TRIO: variants seen among roughly 807,000 people sequenced by gnomAD.
TRIO encodes triple functional domain protein.
A neutral mutation model predicts 351.9 loss-of-function variants in TRIO; 58 were observed. The observed-to-expected ratio is 0.16, with a 90% CI of 0.13 to 0.21. TRIO has a LOEUF of 0.21. TRIO is among the 10% of genes least tolerant of loss of function. The pLI, the probability that TRIO is intolerant of heterozygous loss-of-function variation, is 1.00. For synonymous variants in TRIO, 1,758 were observed against 1,595.7 expected (o/e 1.10, Z -2.42); for missense variants, 3,201 against 4,027.8 (o/e 0.79, Z 5.56).
intron 34 of TRIO, among the ~76,000 whole-genome samples, chr5:14,458,305 C>A (rs1433147620): frequency 6.6e-6 from 1 of 152,164 alleles, no homozygotes; most frequent in African/African-American, 2.4e-5. Context: ...ATGCCAGGCA[C>A]TGTGCAGAGC....
At chr5:14,314,857 T>C (rs535231738) in intron 8 of TRIO, among the ~76,000 whole-genome samples, 2 of 152,362 alleles carry the variant, frequency 1.3e-5, no homozygotes, top group African/African-American at 4.8e-5. Flanking sequence ...ATTTTTGTTT[T>C]AACTGACACT....
chr5:14,448,128 G>C (rs916832502), intron 34 of TRIO, among the ~76,000 whole-genome samples: 1 of 152,156 alleles, frequency 6.6e-6, no homozygotes, highest in Admixed American at 6.5e-5. Flanking sequence ...GTTTTGTTTT[G>C]TTTTGTTTTT....
chr5:14,403,978 G>T (rs1748473495), intron 31 of TRIO, among the ~76,000 whole-genome samples: 2 of 147,042 alleles, frequency 1.4e-5, no homozygotes, highest in Admixed American at 6.7e-5. Context: ...GGGTACAGGT[G>T]GTGAGGGTGC....
rs1736861265 is a variant in TRIO at position 14,291,056 on chromosome 5, A to G, written c.881A>G (p.Lys294Arg). 2 of 1,614,100 alleles carry G rather than the reference A, an allele frequency of 1.2e-6. No homozygotes were observed. Among genetic ancestry groups the G allele is most frequent in the Non-Finnish European group, 1.7e-6 (2 of 1,180,042 alleles). The change falls in exon 5 of 57, where the codon AAA becomes AGA. Residue 294 changes from lysine to arginine, a missense_variant. This residue lies in a region of TRIO where 349 missense variants were observed against 449.3 expected (regional missense o/e 0.78). Transcript: ENST00000344204. ...ATACAGAGCAGTGAAAGCTTTCCCA[A>G]AAAGAACTCAGGCTCAGGCAATGCG... ...QRIQSSESFP[K>R]KNSGSGNADL...
intron 9 of TRIO, among the ~76,000 whole-genome samples, chr5:14,327,670 T>A (rs765159513): frequency 2.0e-5 from 3 of 152,170 alleles, no homozygotes; most frequent in Non-Finnish European, 4.4e-5. Flanking sequence ...TATTATATAA[T>A]TTAAAAAAAA....
intron 1 of TRIO, among the ~76,000 whole-genome samples, chr5:14,172,490 G>A (rs1475941152): frequency 1.3e-5 from 2 of 152,160 alleles, no homozygotes; most frequent in African/African-American, 4.8e-5. Flanking sequence ...ACAGAATAAA[G>A]CCCCTTCTGT....
chr5:14,170,111 G>A (rs1789007384), intron 1 of TRIO, among the ~76,000 whole-genome samples: 1 of 152,152 alleles, frequency 6.6e-6, no homozygotes, highest in Non-Finnish European at 1.5e-5. Flanking sequence ...GTAATCCTGG[G>A]ATGCGTTTTC....
At chr5:14,294,041 C>T (rs998544028) in intron 6 of TRIO, among the ~76,000 whole-genome samples, 1 of 151,768 alleles carries the variant, frequency 6.6e-6, no homozygotes, top group African/African-American at 2.4e-5. Context: ...AAAAAATTAG[C>T]CAAGTGTGGT....
chr5:14,217,971 T>C (rs1792329764), intron 1 of TRIO, among the ~76,000 whole-genome samples: 1 of 152,220 alleles, frequency 6.6e-6, no homozygotes, highest in South Asian at 2.1e-4. Flanking sequence ...TTAAAAACAT[T>C]CAGTAACTTT....
intron 37 of TRIO, 142 bp from the exon 38 acceptor site, chr5:14,471,176 G>T: frequency 2.6e-6 from 3 of 1,139,712 alleles, no homozygotes; most frequent in South Asian, 2.3e-5. Context: ...GTTATTAAAT[G>T]CTATAATTTC....
At chr5:14,488,330 C>A (rs1395343941) in intron 48 of TRIO, 70 bp downstream of exon 48, 1 of 1,496,214 alleles carries the variant, frequency 6.7e-7, no homozygotes, top group East Asian at 2.5e-5. Context: ...AACGCCACCG[C>A]GGCTGTTCTC....
intron 34 of TRIO, among the ~76,000 whole-genome samples, chr5:14,428,791 C>G (rs1750854227): frequency 6.6e-6 from 1 of 152,196 alleles, no homozygotes; most frequent in African/African-American, 2.4e-5. Context: ...TCTTCCCACA[C>G]TTGCTTTAAA....
chr5:14,260,811 G>A (rs1350467522), intron 1 of TRIO, among the ~76,000 whole-genome samples: 1 of 152,188 alleles, frequency 6.6e-6, no homozygotes, highest in African/African-American at 2.4e-5. Flanking sequence ...TCTGAATACT[G>A]TATTTTAAAT....
chr5:14,269,824 G>C (rs990623837), intron 1 of TRIO, among the ~76,000 whole-genome samples: 1 of 152,160 alleles, frequency 6.6e-6, no homozygotes. Flanking sequence ...TAGCATTTGC[G>C]ATGCTTTTCT....
rs1304387925 is a variant in TRIO, at chr5:14,337,505, G to T, written c.2046+778G>T. ...GAGGATCGTAACTTATTCAGATGCA[G>T]CTCTTGATGAACTGGAAATGAGGGG... On this transcript the variant is annotated intron_variant, in intron 11 of 56. Transcript: ENST00000344204. Among the ~76,000 whole-genome samples the T allele has an allele frequency of 5.9e-5, 9 of 152,286 alleles. No homozygotes were observed. In the East Asian group the frequency reaches 1.7e-3, roughly 29 times the overall value.
At chr5:14,409,025 G>A (rs1748957034) in intron 33 of TRIO, among the ~76,000 whole-genome samples, 1 of 152,076 alleles carries the variant, frequency 6.6e-6, no homozygotes, top group Admixed American at 6.5e-5. Context: ...CTGGGAGTCT[G>A]GAAATGACCC....
intron 1 of TRIO, among the ~76,000 whole-genome samples, chr5:14,263,595 A>G (rs1264617987): frequency 2.0e-5 from 3 of 152,204 alleles, no homozygotes; most frequent in Non-Finnish European, 2.9e-5. Context: ...ATGTGTATCA[A>G]ACCACTTGAT....
intron 1 of TRIO, among the ~76,000 whole-genome samples, chr5:14,176,737 C>T (rs1191949727): frequency 2.0e-5 from 3 of 152,160 alleles, no homozygotes; most frequent in African/African-American, 7.2e-5. Flanking sequence ...GCCACCATGC[C>T]CAGCCTCAGT....
At chr5:14,425,963 A>G (rs931985393) in intron 34 of TRIO, among the ~76,000 whole-genome samples, 1 of 152,202 alleles carries the variant, frequency 6.6e-6, no homozygotes, top group Non-Finnish European at 1.5e-5. Flanking sequence ...TGGTAGTTCT[A>G]CTTTTAATTT....
Sources: allele counts gnomAD v4.1 joint callset (sites outside exome capture counted in the v4.1 genomes callset), GRCh38; gene constraint gnomAD v4.1.1; regional missense constraint gnomAD v4.1.1; transcripts MANE v1.5; gene names NCBI Gene and HGNC (gene_info 2026-07-23, HGNC 2026-07-21).